The following SLC8A1 variants were observed in gnomAD, a reference collection of about 807,000 sequenced individuals.
SLC8A1 encodes sodium/calcium exchanger 1.
In SLC8A1, 18 loss-of-function variants were observed where a neutral mutation model predicts 68.3. That is an observed-to-expected ratio of 0.26 (90% CI 0.18 to 0.39). SLC8A1 has a LOEUF of 0.39. Ranked by LOEUF, SLC8A1 falls within the 10% of genes least tolerant of loss-of-function variation. The pLI, the probability that SLC8A1 is intolerant of heterozygous loss-of-function variation, is 1.00. For synonymous variants in SLC8A1, 475 were observed against 415.5 expected (o/e 1.14, Z -1.74); for missense variants, 985 against 1,156.7 (o/e 0.85, Z 2.15).
intron 1 of SLC8A1, chr2:40,446,761 G>A (rs1268715127): frequency 2.6e-5 from 4 of 152,212 alleles, no homozygotes; most frequent in Admixed American, 1.3e-4. Flanking sequence ...TCATCCTTAA[G>A]TCAGAAAAAT....
chr2:40,406,623 G>A (rs973692803), intron 2 of SLC8A1, among the ~76,000 whole-genome samples: 1 of 152,122 alleles, frequency 6.6e-6, no homozygotes, highest in Non-Finnish European at 1.5e-5. Context: ...CAGGTGGACT[G>A]ATAAGATCAG....
At chr2:40,274,331 G>T (rs1461652418) in intron 2 of SLC8A1, among the ~76,000 whole-genome samples, 1 of 151,554 alleles carries the variant, frequency 6.6e-6, no homozygotes, top group Non-Finnish European at 1.5e-5. Flanking sequence ...TAATTTCTGG[G>T]ATTAAAAATA....
At chr2:40,333,986 T>C (rs923259618) in intron 2 of SLC8A1, among the ~76,000 whole-genome samples, 3 of 152,144 alleles carry the variant, frequency 2.0e-5, no homozygotes, top group African/African-American at 7.2e-5. Context: ...TGACAGAGGT[T>C]GCAGTGAGCC....
At chr2:40,377,031 G>A (rs1680126738) in intron 2 of SLC8A1, among the ~76,000 whole-genome samples, 1 of 152,038 alleles carries the variant, frequency 6.6e-6, no homozygotes, top group African/African-American at 2.4e-5. Context: ...AAGGTGAGGG[G>A]ATGTCACTCC....
At chr2:40,414,054 C>T (rs569773606) in intron 2 of SLC8A1, among the ~76,000 whole-genome samples, 6 of 152,210 alleles carry the variant, frequency 3.9e-5, no homozygotes, top group South Asian at 2.1e-4. Context: ...ACCATAATGG[C>T]ATGAACAATT....
At position 40,326,360 on chromosome 2, in the gene SLC8A1, A is replaced by C. The variant is rs145434327; in HGVS notation, c.1808+102113T>G. On this transcript the variant is annotated intron_variant, in intron 2 of 7. Coordinates refer to ENST00000406785, the Ensembl canonical transcript of SLC8A1. ...CCTGGCCAAGACCACCTCATAATAT[A>C]GATTAGAGGAAAGATCAAAAATAGT... Among the ~76,000 whole-genome samples the C allele has an allele frequency of 1.9e-3, 293 of 152,232 alleles. 1 individual carries two copies. Among genetic ancestry groups the C allele is most frequent in the Non-Finnish European group, 3.2e-3 (221 of 68,028 alleles).
chr2:40,322,406 C>A (rs571634225), intron 2 of SLC8A1, among the ~76,000 whole-genome samples: 1 of 151,282 alleles, frequency 6.6e-6, no homozygotes, highest in Non-Finnish European at 1.5e-5. Flanking sequence ...ACCTGTAATC[C>A]CAGTGCTTTG....
intron 3 of SLC8A1, chr2:40,177,713 T>G (rs2048727943): frequency 1.6e-6 from 2 of 1,251,758 alleles, no homozygotes; most frequent in Non-Finnish European, 2.3e-6. Context: ...GAGAGAAGAG[T>G]ACAATTTCTC....
rs186218474 is a variant in SLC8A1 at position 40,449,910 on chromosome 2, A to C, written c.-25+1994T>G. Among the ~76,000 whole-genome samples, 5 of 152,316 alleles carry C rather than the reference A, an allele frequency of 3.3e-5. No homozygotes were observed. The East Asian group carries it at 9.7e-4, about 29-fold the overall frequency. On this transcript the variant is annotated intron_variant, in intron 1 of 7. Transcript: ENST00000406785. ...AATCATTTTTTTAAAAAAAGACAACAACCATTTTAAGGGGACAAAATCAGG... is the reference window on the plus strand; with the variant it reads ...AATCATTTTTTTAAAAAAAGACAACCACCATTTTAAGGGGACAAAATCAGG...
chr2:40,301,631 T>C (rs569704502), intron 2 of SLC8A1, among the ~76,000 whole-genome samples: 3 of 152,216 alleles, frequency 2.0e-5, no homozygotes, highest in East Asian at 3.9e-4. Context: ...AGACTACAAA[T>C]TGGGGCTGGG....
chr2:40,373,311 T>C (rs1300463785), intron 2 of SLC8A1, among the ~76,000 whole-genome samples: 1 of 152,120 alleles, frequency 6.6e-6, no homozygotes, highest in African/African-American at 2.4e-5. Context: ...CACCCACAGG[T>C]CCTCTGCCAG....
At position 40,380,174 on chromosome 2, in the gene SLC8A1, C is replaced by T. The variant is rs1295570458; in HGVS notation, c.1808+48299G>A. ...GCCAAGAGGTAAACCGAACAAGTAT[C>T]CTTGTACTCATTTTCCATATGATAA... On this transcript the variant is annotated intron_variant, in intron 2 of 7. Transcript: ENST00000406785. 2.0e-5 allele frequency among the ~76,000 whole-genome samples: 3 copies of T among 152,204 alleles called. No individual in the cohort carries two copies. The South Asian group carries it at 6.2e-4, about 32-fold the overall frequency.
chr2:40,428,711 G>A (rs1284288485), exon 2 of SLC8A1: 1 of 1,613,798 alleles, frequency 6.2e-7, no homozygotes, highest in Non-Finnish European at 8.5e-7. Flanking sequence ...GCAGTGGAGG[G>A]AGATCCGAGG....
At chr2:40,217,374 C>T (rs1362405740) in intron 2 of SLC8A1, among the ~76,000 whole-genome samples, 1 of 152,176 alleles carries the variant, frequency 6.6e-6, no homozygotes, top group South Asian at 2.1e-4. Flanking sequence ...CAGTACCATG[C>T]TGTTTTGATT....
At chr2:40,445,658 T>G (rs1004660430) in intron 1 of SLC8A1, among the ~76,000 whole-genome samples, 1 of 152,108 alleles carries the variant, frequency 6.6e-6, no homozygotes, top group African/African-American at 2.4e-5. Context: ...ACAGAAGGAC[T>G]GATAAAGAGA....
chr2:40,451,496 G>A (rs375556366), intron 1 of SLC8A1, among the ~76,000 whole-genome samples: 13 of 152,196 alleles, frequency 8.5e-5, no homozygotes, highest in African/African-American at 2.7e-4. Flanking sequence ...AGTCCAGTGG[G>A]TGGGGACGCC....
intron 2 of SLC8A1, among the ~76,000 whole-genome samples, chr2:40,305,404 C>T (rs543094496): frequency 6.6e-6 from 1 of 152,222 alleles, no homozygotes; most frequent in African/African-American, 2.4e-5. Flanking sequence ...TAGCATCTTC[C>T]CAGTTTTGAC....
At chr2:40,339,141 GCTT>G (rs72393676) in intron 2 of SLC8A1, among the ~76,000 whole-genome samples, 9,500 of 152,120 alleles carry the variant, frequency 0.062, 845 homozygotes, top group African/African-American at 0.19. Flanking sequence ...CGCGCCTCTG[GCTT>G]CTTCTCTCAT....
At position 40,238,531 on chromosome 2, in the gene SLC8A1, T is replaced by TAC. The variant is rs1345775484; in HGVS notation, c.1809-60678_1809-60677dup. Among the ~76,000 whole-genome samples the TAC allele has an allele frequency of 3.9e-5, 6 of 152,232 alleles. No homozygotes were observed. In the East Asian group the frequency reaches 1.2e-3, roughly 30 times the overall value. On this transcript the variant is annotated intron_variant, in intron 2 of 7. Coordinates refer to ENST00000406785, the Ensembl canonical transcript of SLC8A1. ...GCACTCCCTAGTGAGATGAACCCAGTACCTCAGATGGAAATGCAGAAATCG... is the reference window on the plus strand; with the variant it reads ...GCACTCCCTAGTGAGATGAACCCAGTACACCTCAGATGGAAATGCAGAAATCG...
Sources: gnomAD v4.1 joint callset for allele counts (sites outside exome capture counted in the v4.1 genomes callset) on GRCh38, gnomAD v4.1.1 for gene constraint, MANE v1.5 for transcripts, NCBI Gene and HGNC (gene_info 2026-07-23, HGNC 2026-07-21) for gene names.